Variants in SPAG8 observed in about 807,000 individuals in gnomAD.
The protein encoded by SPAG8 is sperm-associated antigen 8.
In SPAG8, 36 loss-of-function variants were observed where a neutral mutation model predicts 45.3. That is an observed-to-expected ratio of 0.80 (90% CI 0.61 to 1.05). The LOEUF (loss-of-function observed/expected upper bound fraction) is 1.05, where lower values mean the gene tolerates loss of function less well. SPAG8 is among the 50% of genes least tolerant of loss of function. SPAG8 has a pLI of 0.00. For synonymous variants in SPAG8, 227 were observed against 232.6 expected (o/e 0.98, Z 0.22); for missense variants, 573 against 609.2 (o/e 0.94, Z 0.63).
At chr9:35,810,410 G>C in intron 5 of SPAG8, 29 bp downstream of exon 5, 1 of 1,607,786 alleles carries the variant, frequency 6.2e-7, no homozygotes, top group Non-Finnish European at 8.5e-7. Context: ...GCTGGTGCAA[G>C]TGGCGGGGGA....
chr9:35,810,814 C>A, intron 3 of SPAG8, 69 bp downstream of exon 3: 1 of 1,592,658 alleles, frequency 6.3e-7, no homozygotes, highest in African/African-American at 1.3e-5. Flanking sequence ...ACAGCCCCAC[C>A]AGAAATTCCT....
chr9:35,809,954 C>G lies in SPAG8; in HGVS notation c.1442G>C (p.Arg481Thr). ...CCTCACCCCTCAGAAAGGAGTCATT[C>G]TCCCCCCTCCACCACCCAGCCTTCC... ...PGGRLGGGGG[R>T]MTPF is the part of the protein sequence containing the mutation. Residue 481 changes from arginine to threonine, a missense_variant, in exon 7 of 7, where the codon AGA becomes ACA. Transcript: ENST00000396638. This position sits in a 1 kb window ranked among gnomAD's most constrained non-coding sequence, Gnocchi z 4.1. 6.3e-7 allele frequency: 1 copy of G among 1,580,928 alleles called. No individual in the cohort carries two copies. The highest frequency in any genetic ancestry group is 8.6e-7 in the Non-Finnish European group (1 of 1,165,300).
At chr9:35,809,781 A>G (rs1828669091), downstream of SPAG8, 3 of 1,550,558 alleles carry the variant, frequency 1.9e-6, no homozygotes, top group Non-Finnish European at 2.6e-6. This position sits in a 1 kb window ranked among gnomAD's most constrained non-coding sequence, Gnocchi z 4.1. Flanking sequence ...GTATGCACAC[A>G]GTGACTCACA....
At position 35,811,730 on chromosome 9, in the gene SPAG8, T is replaced by A. The variant is rs779550773; in HGVS notation, c.316A>T (p.Ile106Leu). Residue 106 changes from isoleucine (I) to leucine (L), a missense_variant, in exon 2 of 7, where the codon ATA becomes TTA. Ile to Leu is a conservative substitution (Grantham distance 5). Coordinates refer to ENST00000396638, the MANE Select transcript of SPAG8 (RefSeq NM_001039592.2). ...TCAAAGCCAAGACTCCCATGGGCTATATTGTGGGTAAAGCCGGGTCCCGCA... is the reference window on the plus strand; with the variant it reads ...TCAAAGCCAAGACTCCCATGGGCTAAATTGTGGGTAAAGCCGGGTCCCGCA... ...PCAGPGFTHN[I>L]AHGSLGFEPV... The A allele has an allele frequency of 6.2e-7, 1 of 1,614,148 alleles. No homozygotes were observed. Among genetic ancestry groups the A allele is most frequent in the East Asian group, 2.2e-5 (1 of 44,882 alleles).
Position 35,811,725 on chromosome 9 carries a change from G to C in SPAG8, c.321C>G (p.Ala107=). ...CGGGCTCAAAGCCAAGACTCCCATG[G>C]GCTATATTGTGGGTAAAGCCGGGTC... is the stretch of plus-strand genomic sequence containing the variant. ...CAGPGFTHNI[A]HGSLGFEPVY... The change falls in exon 2 of 7, where the codon GCC becomes GCG. Residue 107 remains alanine (A), a synonymous_variant. Coordinates refer to ENST00000396638, the MANE Select transcript of SPAG8 (RefSeq NM_001039592.2). The C allele has an allele frequency of 6.2e-7, 1 of 1,614,260 alleles. No individual in the cohort carries two copies. Among genetic ancestry groups the C allele is most frequent in the Non-Finnish European group, 8.5e-7 (1 of 1,180,052 alleles).
chr9:35,811,275 T>G lies in SPAG8; in HGVS notation c.771A>C (p.Gly257=), dbSNP rs1048927296. 5 of 1,613,834 alleles carry G rather than the reference T, an allele frequency of 3.1e-6. No homozygotes were observed. The African/African-American group carries it at 6.7e-5, about 22-fold the overall frequency. ...FLQVLEPGAR[G]LWKPPDIKGK... Reference sequence around the variant, plus strand: ...CTTTAATGTCTGGGGGTTTCCATAGTCCTCGGGCACCCGGTTCTAAGACTT... The same window carrying G: ...CTTTAATGTCTGGGGGTTTCCATAGGCCTCGGGCACCCGGTTCTAAGACTT... The change falls in exon 2 of 7, where the codon GGA becomes GGC. Residue 257 remains glycine, a synonymous_variant. Coordinates refer to ENST00000396638, the MANE Select transcript of SPAG8 (RefSeq NM_001039592.2).
Position 35,810,678 on chromosome 9 carries a change from C to A in SPAG8, c.1044G>T (p.Lys348Asn). The A allele has an allele frequency of 1.9e-6, 3 of 1,614,010 alleles. No homozygotes were observed. The highest frequency in any genetic ancestry group is 2.5e-6 in the Non-Finnish European group (3 of 1,179,978). The change falls in exon 4 of 7, where the codon AAG (lysine) becomes AAT (asparagine). Residue 348 changes from lysine to asparagine, a missense_variant. By Grantham distance (94) the Lys-to-Asn change is moderately conservative (BLOSUM62 0). Coordinates refer to ENST00000396638, the MANE Select transcript of SPAG8 (RefSeq NM_001039592.2). ...GGAGCATCTCCAGCATGGCTTCACGCTTCCCTGTGAGAGAGTTGGGGGGTG... is the reference window on the plus strand; with the variant it reads ...GGAGCATCTCCAGCATGGCTTCACGATTCCCTGTGAGAGAGTTGGGGGGTG... ...PGNVYWPLRG[K>N]REAMLEMLLQ...
chr9:35,810,577 G>A, intron 4 of SPAG8, 24 bp from the exon 5 acceptor site: 1 of 1,613,790 alleles, frequency 6.2e-7, no homozygotes, highest in Non-Finnish European at 8.5e-7. Context: ...GGGGTGTCAA[G>A]GCCATTCTCA....
At chr9:35,809,752 C>G (rs1476722147), downstream of SPAG8, 1 of 1,497,738 alleles carries the variant, frequency 6.7e-7, no homozygotes, top group African/African-American at 1.4e-5. The surrounding 1 kb of genome is among the most constrained non-coding windows in gnomAD (Gnocchi z 4.1). Context: ...TAGGGGCAAT[C>G]CCAAGGAAAG....
chr9:35,808,562 T>C, downstream of SPAG8: 1 of 1,614,156 alleles, frequency 6.2e-7, no homozygotes, highest in Non-Finnish European at 8.5e-7. This position sits in a 1 kb window ranked among gnomAD's most constrained non-coding sequence, Gnocchi z 4.0. Context: ...CAGGCCGAAA[T>C]GGTCAACGCC....
In SPAG8 at chr9:35,810,037, A is replaced by G. The variant is rs775931104; in HGVS notation, c.1359T>C (p.Tyr453=). Residue 453 remains tyrosine, a synonymous_variant, in exon 7 of 7, where the codon TAT becomes TAC. Transcript: ENST00000396638. ...VPLSLGKLLP[Y]EPENYPYQLG... is the part of the protein sequence containing the mutation. ...ATTGGTAGGGGTAATTCTCAGGTTC[A>G]TAGGGCAAAAGTTTCCCCAGAGACA... is the stretch of plus-strand genomic sequence containing the variant. 6.2e-6 allele frequency: 10 copies of G among 1,613,728 alleles called. No individual in the cohort carries two copies. The African/African-American group carries it at 1.2e-4, about 19-fold the overall frequency.
chr9:35,810,155 A>G, intron 6 of SPAG8, 23 bp from the exon 7 acceptor site: 1 of 1,608,162 alleles, frequency 6.2e-7, no homozygotes, highest in Non-Finnish European at 8.5e-7. Flanking sequence ...CAGGATGAGG[A>G]TGGATCCCAC....
At chr9:35,808,128 C>T (rs1828511458), downstream of SPAG8, 1 of 1,405,772 alleles carries the variant, frequency 7.1e-7, no homozygotes, top group Non-Finnish European at 1.0e-6. The surrounding 1 kb of genome is among the most constrained non-coding windows in gnomAD (Gnocchi z 4.0). Context: ...TCCTCTCTGA[C>T]AGTTTGGGCT....
chr9:35,808,259 CAG>C (rs772722360), downstream of SPAG8: 3 of 1,614,230 alleles, frequency 1.9e-6, no homozygotes, highest in South Asian at 3.3e-5. This position sits in a 1 kb window ranked among gnomAD's most constrained non-coding sequence, Gnocchi z 4.0. Context: ...CTGCTGCAGA[CAG>C]GGTGTTCATT....
chr9:35,808,879 T>A (rs776395251), downstream of SPAG8: 1 of 1,340,434 alleles, frequency 7.5e-7, no homozygotes, highest in South Asian at 1.2e-5. This position sits in a 1 kb window ranked among gnomAD's most constrained non-coding sequence, Gnocchi z 4.0. Context: ...TCAACCCCAC[T>A]GTTGGCCTCA....
Position 35,811,696 on chromosome 9 carries a change from T to C in SPAG8, c.350A>G (p.Tyr117Cys), listed in dbSNP as rs11559132. ...AHGSLGFEPV[Y>C]VSCIAQDTCT... ...AGTGTCCTGAGCAATACAGGAAACA[T>C]AGACGGGCTCAAAGCCAAGACTCCC... Residue 117 changes from tyrosine (Y) to cysteine (C), a missense_variant, in exon 2 of 7, where the codon TAT (tyrosine) becomes TGT (cysteine). Transcript: ENST00000396638. 2 of 1,614,160 alleles carry C rather than the reference T, an allele frequency of 1.2e-6. No homozygotes were observed. The highest frequency in any genetic ancestry group is 1.1e-5 in the South Asian group (1 of 91,082).
At chr9:35,809,451 C>G (rs1828639047), downstream of SPAG8, 5 of 1,614,076 alleles carry the variant, frequency 3.1e-6, no homozygotes, top group Admixed American at 3.3e-5. This position sits in a 1 kb window ranked among gnomAD's most constrained non-coding sequence, Gnocchi z 4.1. Flanking sequence ...TGTAAACCCC[C>G]ATTCTTTCCA....
chr9:35,808,023 T>C (rs1828503747), downstream of SPAG8: 1 of 651,762 alleles, frequency 1.5e-6, no homozygotes, highest in East Asian at 2.5e-5. This position sits in a 1 kb window ranked among gnomAD's most constrained non-coding sequence, Gnocchi z 4.0. Flanking sequence ...TAGTGTGTAT[T>C]TCCTAAAAAC....
chr9:35,810,049 T>G lies in SPAG8; in HGVS notation c.1347A>C (p.Lys449Asn). 1 of 1,613,888 alleles carries G rather than the reference T, an allele frequency of 6.2e-7. No homozygotes were observed. Residue 449 changes from lysine (K) to asparagine (N), a missense_variant, in exon 7 of 7, where the codon AAA becomes AAC. Lys to Asn is a moderately conservative substitution (Grantham distance 94, BLOSUM62 0). Transcript: ENST00000396638. ...AATTCTCAGGTTCATAGGGCAAAAG[T>G]TTCCCCAGAGACAAGGGTACTGGTG... ...FSTPVPLSLG[K>N]LLPYEPENYP...
Sources: gnomAD v4.1 joint callset for allele counts on GRCh38, gnomAD v4.1.1 for gene constraint, Gnocchi (gnomAD v3.1) non-coding constraint, MANE v1.5 for transcripts, NCBI Gene and HGNC (gene_info 2026-07-23, HGNC 2026-07-21) for gene names.